Variants in NFATC3 observed in about 807,000 individuals in gnomAD.
NFATC3 encodes the protein nuclear factor of activated T-cells, cytoplasmic 3.
NFATC3 carries 46 observed loss-of-function variants against 98.6 expected under a neutral mutation model. That is an observed-to-expected ratio of 0.47 (90% CI 0.37 to 0.60). The LOEUF (loss-of-function observed/expected upper bound fraction) is 0.60, where lower values mean the gene tolerates loss of function less well. Ranked by LOEUF, NFATC3 falls within the 20% of genes least tolerant of loss-of-function variation. NFATC3 has a pLI of 0.00. For synonymous variants in NFATC3, 512 were observed against 472.2 expected (o/e 1.08, Z -1.09); for missense variants, 1,256 against 1,295.5 (o/e 0.97, Z 0.47).
intron 3 of NFATC3, among the ~76,000 whole-genome samples, chr16:68,133,631 TCTC>T (rs1318891169): frequency 1.3e-5 from 2 of 152,270 alleles, no homozygotes; most frequent in East Asian, 3.9e-4. Context: ...GCTTCTCAAT[TCTC>T]ATCATCATAT....
At chr16:68,180,809 C>A (rs1245785642) in intron 6 of NFATC3, among the ~76,000 whole-genome samples, 2 of 152,158 alleles carry the variant, frequency 1.3e-5, no homozygotes, top group Non-Finnish European at 2.9e-5. Flanking sequence ...CCAGCTTCAT[C>A]CATGTCCCTA....
intron 4 of NFATC3, among the ~76,000 whole-genome samples, chr16:68,164,276 C>A (rs1415438851): frequency 6.6e-6 from 1 of 152,200 alleles, no homozygotes; most frequent in Non-Finnish European, 1.5e-5. Context: ...GCGGCGTGCG[C>A]CTGCAATCGC....
chr16:68,172,749 C>G (rs1195228471), intron 5 of NFATC3, among the ~76,000 whole-genome samples: 2 of 152,154 alleles, frequency 1.3e-5, no homozygotes, highest in Admixed American at 6.5e-5. Context: ...CATTGCACTT[C>G]ATCCTTGGTG....
rs2042092131 is a variant in NFATC3 at position 68,229,214 on chromosome 16, CCT to C, written c.*2745_*2746del. On this transcript the variant is annotated 3_prime_UTR_variant, in exon 10 of 10. Coordinates refer to ENST00000346183, the MANE Select transcript of NFATC3 (RefSeq NM_173165.3). ...GGAAGAAGAGCCAGCAGTTGAGGCTCCTCAGTTTTAGTGCTGAAATAATAAAC... is the reference window on the plus strand; with the variant it reads ...GGAAGAAGAGCCAGCAGTTGAGGCTCCAGTTTTAGTGCTGAAATAATAAAC... The C allele has an allele frequency of 6.6e-6, 1 of 152,230 alleles. No homozygotes were observed. The highest frequency in any genetic ancestry group is 1.5e-5 in the Non-Finnish European group (1 of 68,042). The allele number at this position is 152,230 out of a possible 1,614,324, so 9.4% of individuals were successfully genotyped here.
At chr16:68,214,778 C>G (rs978305084) in intron 9 of NFATC3, among the ~76,000 whole-genome samples, 1 of 152,174 alleles carries the variant, frequency 6.6e-6, no homozygotes, top group Non-Finnish European at 1.5e-5. Flanking sequence ...CCTACTCATT[C>G]CTGGTCAAGT....
At chr16:68,150,464 C>G (rs1029129383) in intron 3 of NFATC3, among the ~76,000 whole-genome samples, 6 of 149,642 alleles carry the variant, frequency 4.0e-5, no homozygotes, top group African/African-American at 1.5e-4. Context: ...CTCCTGATGT[C>G]CTAGCTACTC....
At chr16:68,087,888 G>A (rs1167750564) in intron 1 of NFATC3, among the ~76,000 whole-genome samples, 1 of 152,082 alleles carries the variant, frequency 6.6e-6, no homozygotes, top group Admixed American at 6.5e-5. Flanking sequence ...AACACAATTT[G>A]TTCACCAATT....
chr16:68,085,450 A>C lies in NFATC3; in HGVS notation c.-232A>C. The C allele has an allele frequency of 2.5e-6, 1 of 402,912 alleles. No homozygotes were observed. Among genetic ancestry groups the C allele is most frequent in the Non-Finnish European group, 4.5e-6 (1 of 224,718 alleles). The allele number at this position is 402,912 out of a possible 1,614,324, so 25.0% of individuals were successfully genotyped here. ...GGAACATTGGCTAAGCCGACAGTGG[A>C]GGCTTAGGCACCGGTGGCGGGCGGC... On this transcript the variant is annotated 5_prime_UTR_variant, in exon 1 of 10. Transcript: ENST00000346183.
intron 1 of NFATC3, among the ~76,000 whole-genome samples, chr16:68,098,220 C>G (rs968574809): frequency 8.6e-5 from 13 of 150,388 alleles, no homozygotes; most frequent in Admixed American, 6.6e-4. Context: ...GGGTAAATAC[C>G]TAAGAATGTA....
At chr16:68,177,554 T>C (rs1297527485) in intron 6 of NFATC3, among the ~76,000 whole-genome samples, 4 of 152,102 alleles carry the variant, frequency 2.6e-5, no homozygotes, top group Non-Finnish European at 5.9e-5. Context: ...AGTGTGCCTT[T>C]CTGTTTCACT....
chr16:68,161,788 T>C (rs2038904536), intron 4 of NFATC3, among the ~76,000 whole-genome samples: 1 of 152,238 alleles, frequency 6.6e-6, no homozygotes, highest in Non-Finnish European at 1.5e-5. Context: ...AAATGCCTCA[T>C]ATCCTTTCTG....
chr16:68,140,192 G>A (rs1487507906), intron 3 of NFATC3, among the ~76,000 whole-genome samples: 1 of 152,052 alleles, frequency 6.6e-6, no homozygotes, highest in Non-Finnish European at 1.5e-5. Flanking sequence ...TAGAGACAGG[G>A]TTTCACCATG....
Position 68,228,530 on chromosome 16 carries a change from A to G in NFATC3, c.*2059A>G, listed in dbSNP as rs2151189359. The G allele has an allele frequency of 6.5e-6, 1 of 152,782 alleles. No individual in the cohort carries two copies. The highest frequency in any genetic ancestry group is 2.4e-5 in the African/African-American group (1 of 41,582). 9.5% of individuals were successfully genotyped at this position (152,782 alleles called of 1,614,324 possible). ...ATTTTGATGCCTTCTAAATACCTTG[A>G]TGCCTGTAGCACTAGAAATGCTTTC... On this transcript the variant is annotated 3_prime_UTR_variant, in exon 10 of 10. Coordinates refer to ENST00000346183, the MANE Select transcript of NFATC3 (RefSeq NM_173165.3).
chr16:68,107,924 T>A (rs1358071118), intron 1 of NFATC3, among the ~76,000 whole-genome samples: 1 of 151,512 alleles, frequency 6.6e-6, no homozygotes, highest in Non-Finnish European at 1.5e-5. Flanking sequence ...GTTTATTTTT[T>A]TTTTTTTTGT....
chr16:68,157,835 A>G, intron 3 of NFATC3, 34 bp from the exon 4 acceptor site: 1 of 1,560,768 alleles, frequency 6.4e-7, no homozygotes, highest in Non-Finnish European at 8.8e-7. Context: ...TGGATAATGA[A>G]TTGTGCTTTT....
intron 9 of NFATC3, among the ~76,000 whole-genome samples, chr16:68,213,864 T>C (rs1258397434): frequency 6.6e-6 from 1 of 152,204 alleles, no homozygotes; most frequent in Admixed American, 6.5e-5. Context: ...CAGATTTGGC[T>C]GTACATATAG....
chr16:68,089,643 A>T (rs2034596039), intron 1 of NFATC3: 1 of 152,212 alleles, frequency 6.6e-6, no homozygotes, highest in Admixed American at 6.5e-5. Context: ...ATCTAGCTCT[A>T]AATAGATGAT....
intron 3 of NFATC3, among the ~76,000 whole-genome samples, chr16:68,129,671 CTT>C (rs568596333): frequency 1.8e-4 from 23 of 127,804 alleles, no homozygotes; most frequent in African/African-American, 4.3e-4. Flanking sequence ...TGCTCCCCGC[CTT>C]TTTTTTTTTT....
At chr16:68,207,690 G>A (rs2041207829) in intron 9 of NFATC3, among the ~76,000 whole-genome samples, 1 of 152,098 alleles carries the variant, frequency 6.6e-6, no homozygotes, top group Admixed American at 6.5e-5. Flanking sequence ...TCTGTCTTCT[G>A]ACCTCAGGTC....
Sources: allele counts gnomAD v4.1 joint callset (sites outside exome capture counted in the v4.1 genomes callset), GRCh38; gene constraint gnomAD v4.1.1; transcripts MANE v1.5; gene names NCBI Gene and HGNC (gene_info 2026-07-23, HGNC 2026-07-21).